The following AKAP6 variants were observed in gnomAD, a reference collection of about 807,000 sequenced individuals.
AKAP6 encodes A-kinase anchoring protein 6, also known as A-kinase anchor protein 6.
A neutral mutation model predicts 188.5 loss-of-function variants in AKAP6; 58 were observed. The ratio of observed to expected loss-of-function variants is 0.31; its 90% CI spans 0.25 to 0.38. The LOEUF (loss-of-function observed/expected upper bound fraction) is 0.38. AKAP6 is among the 10% of genes least tolerant of loss of function. The pLI is 1.00. For missense variants in AKAP6, 2,710 were observed against 2,740.0 expected, an observed-to-expected ratio of 0.99 and a Z score of 0.24; for synonymous variants, 989 against 998.6, an observed-to-expected ratio of 0.99 and a Z score of 0.18.
chr14:32,780,737 T>C (rs2033224232), intron 12 of AKAP6, among the ~76,000 whole-genome samples: 2 of 152,162 alleles, frequency 1.3e-5, no homozygotes, highest in South Asian at 4.1e-4. Flanking sequence ...GAGACTAGCC[T>C]GAGCAATATA....
At chr14:32,749,230 T>G (rs1255575412) in intron 11 of AKAP6, among the ~76,000 whole-genome samples, 3 of 152,172 alleles carry the variant, frequency 2.0e-5, no homozygotes, top group African/African-American at 7.2e-5. Flanking sequence ...TTGAGAAGAT[T>G]CCTTTCAACG....
chr14:32,726,727 C>T (rs981145277), intron 9 of AKAP6, among the ~76,000 whole-genome samples: 1 of 152,240 alleles, frequency 6.6e-6, no homozygotes, highest in Non-Finnish European at 1.5e-5. Context: ...GACCTTGACA[C>T]CCACTTCATT....
At chr14:32,763,808 G>A (rs1240572592) in intron 11 of AKAP6, among the ~76,000 whole-genome samples, 3 of 152,140 alleles carry the variant, frequency 2.0e-5, no homozygotes, top group African/African-American at 2.4e-5. Context: ...ATTGGCTGAC[G>A]TTGTCTTTTA....
In AKAP6 at chr14:32,433,909, G is replaced by A. The variant is rs1890300109; in HGVS notation, c.324+92G>A. 9 of 1,273,990 alleles carry A rather than the reference G, an allele frequency of 7.1e-6. No homozygotes were observed. The South Asian group carries it at 1.0e-4, about 14-fold the overall frequency. The allele number at this position is 1,273,990 out of a possible 1,614,324, so 78.9% of individuals were successfully genotyped here. A position where few individuals can be genotyped will look rare whatever the true frequency, so the allele number is the denominator to read the frequency against. ...GTTCTGTAATTTCCAGTGAGGAATTGTCCAGGAAGAAAAGCACAGTACCAG... is the reference window on the plus strand; with the variant it reads ...GTTCTGTAATTTCCAGTGAGGAATTATCCAGGAAGAAAAGCACAGTACCAG... On this transcript the variant is annotated intron_variant, in intron 2 of 13. Coordinates refer to ENST00000280979, the MANE Select transcript of AKAP6 (RefSeq NM_004274.5).
chr14:32,708,382 CAT>C (rs1198940900), intron 9 of AKAP6, among the ~76,000 whole-genome samples: 3 of 148,826 alleles, frequency 2.0e-5, no homozygotes, highest in Non-Finnish European at 4.5e-5. Context: ...GAGGGAGAGA[CAT>C]GTGCACATGT....
Position 32,836,931 on chromosome 14 carries a change from C to T in AKAP6, c.*7126C>T, listed in dbSNP as rs957929579. The T allele has an allele frequency of 6.6e-6, 1 of 152,168 alleles. No individual in the cohort carries two copies. Among genetic ancestry groups the T allele is most frequent in the Non-Finnish European group, 1.5e-5 (1 of 68,028 alleles). The allele number at this position is 152,168 out of a possible 1,614,324, so 9.4% of individuals were successfully genotyped here. ...AATGTAAAATGGAACAGAACTTGGC[C>T]TCAAAGTGATGTTGGAAAAATAGCC... On this transcript the variant is annotated 3_prime_UTR_variant, in exon 14 of 14. Transcript: ENST00000280979.
chr14:32,482,989 GTA>G (rs199759517), intron 2 of AKAP6, among the ~76,000 whole-genome samples: 38,405 of 83,526 alleles, frequency 0.46, 5,423 homozygotes, highest in Middle Eastern at 0.48. Flanking sequence ...GTGTGTGTGT[GTA>G]TATATATATA....
intron 9 of AKAP6, among the ~76,000 whole-genome samples, chr14:32,704,715 A>C (rs892263582): frequency 6.6e-6 from 1 of 152,202 alleles, no homozygotes; most frequent in African/African-American, 2.4e-5. Flanking sequence ...TTTAAAGATG[A>C]AAACCAAATA....
At chr14:32,335,903 C>T (rs1275360648) in intron 1 of AKAP6, among the ~76,000 whole-genome samples, 7 of 114,700 alleles carry the variant, frequency 6.1e-5, no homozygotes, top group East Asian at 2.6e-4. Context: ...GCCTATAATT[C>T]GAGGTTATAT....
At chr14:32,615,324 G>A (rs954559944) in intron 7 of AKAP6, among the ~76,000 whole-genome samples, 4 of 151,622 alleles carry the variant, frequency 2.6e-5, no homozygotes, top group Admixed American at 6.6e-5. Context: ...GATGGCAGAG[G>A]GGAAAAATGG....
chr14:32,554,777 G>T (rs753530870), intron 4 of AKAP6, among the ~76,000 whole-genome samples: 15 of 152,178 alleles, frequency 9.9e-5, no homozygotes, highest in Non-Finnish European at 2.2e-4. Context: ...CTGACAGAAA[G>T]CAGCACAGGG....
chr14:32,367,905 T>C (rs571834791), intron 1 of AKAP6, among the ~76,000 whole-genome samples: 1 of 152,348 alleles, frequency 6.6e-6, no homozygotes, highest in East Asian at 1.9e-4. Context: ...TTTGGCCTAT[T>C]ATGAATGCTT....
At chr14:32,659,478 G>T (rs576523345) in intron 7 of AKAP6, among the ~76,000 whole-genome samples, 1 of 152,184 alleles carries the variant, frequency 6.6e-6, no homozygotes, top group South Asian at 2.1e-4. Context: ...TGTTATTTCG[G>T]AAGATAAGAC....
At chr14:32,397,142 A>G (rs1344821622) in intron 1 of AKAP6, among the ~76,000 whole-genome samples, 1 of 152,148 alleles carries the variant, frequency 6.6e-6, no homozygotes, top group Admixed American at 6.5e-5. Context: ...CATGTTTAAA[A>G]AGTTCCACAA....
chr14:32,411,731 T>A (rs963280647), intron 1 of AKAP6, among the ~76,000 whole-genome samples: 1 of 152,162 alleles, frequency 6.6e-6, no homozygotes, highest in African/African-American at 2.4e-5. Flanking sequence ...GCTAAATCAA[T>A]TATTTCTTGC....
At chr14:32,742,556 G>C (rs1023201298) in intron 11 of AKAP6, among the ~76,000 whole-genome samples, 5 of 151,672 alleles carry the variant, frequency 3.3e-5, no homozygotes, top group Non-Finnish European at 7.4e-5. Flanking sequence ...ATAGGTTTTG[G>C]TATGTTGTAT....
At chr14:32,449,111 C>G in intron 2 of AKAP6, among the ~76,000 whole-genome samples, 1 of 152,168 alleles carries the variant, frequency 6.6e-6, no homozygotes, top group East Asian at 1.9e-4. Flanking sequence ...TCTACAATGT[C>G]CGAATTTCCT....
chr14:32,626,184 A>G (rs1887015202), intron 7 of AKAP6, among the ~76,000 whole-genome samples: 1 of 152,126 alleles, frequency 6.6e-6, no homozygotes, highest in Admixed American at 6.6e-5. Context: ...TCTCACATAT[A>G]GAATCATTGC....
At chr14:32,370,364 T>C (rs10147162) in intron 1 of AKAP6, among the ~76,000 whole-genome samples, 141,180 of 152,288 alleles carry the variant, frequency 0.93, 65,782 homozygotes, top group East Asian at 1. Flanking sequence ...TGCTATCGAA[T>C]TGATGGTGTT....
Sources: allele counts gnomAD v4.1 joint callset (sites outside exome capture counted in the v4.1 genomes callset), GRCh38; gene constraint gnomAD v4.1.1; transcripts MANE v1.5; gene names NCBI Gene and HGNC (gene_info 2026-07-23, HGNC 2026-07-21).